The following PTPRT variants were observed in gnomAD, a reference collection of about 807,000 sequenced individuals.
The protein encoded by PTPRT is receptor-type tyrosine-protein phosphatase T.
PTPRT carries 56 observed loss-of-function variants against 176.8 expected under a neutral mutation model. The observed-to-expected ratio is 0.32, with a 90% CI of 0.26 to 0.40. PTPRT has a LOEUF of 0.40. Ranked by LOEUF, PTPRT falls within the 10% of genes least tolerant of loss-of-function variation. The pLI is 1.00. For missense variants in PTPRT, 1,540 were observed against 1,908.2 expected (o/e 0.81, Z 3.60); for synonymous variants, 783 against 739.0 (o/e 1.06, Z -0.96).
chr20:42,192,609 A>G (rs1014738506), intron 16 of PTPRT, among the ~76,000 whole-genome samples: 1 of 152,136 alleles, frequency 6.6e-6, no homozygotes, highest in Non-Finnish European at 1.5e-5. Context: ...GCTGCCTGGT[A>G]TATTTTGGTC....
At chr20:42,724,980 G>T (rs781067278) in intron 6 of PTPRT, among the ~76,000 whole-genome samples, 12 of 151,512 alleles carry the variant, frequency 7.9e-5, no homozygotes, top group Non-Finnish European at 1.6e-4. Context: ...TACATTCATA[G>T]ATTCTTGACA....
chr20:42,834,044 G>C (rs953158217), intron 2 of PTPRT, among the ~76,000 whole-genome samples: 1 of 151,822 alleles, frequency 6.6e-6, no homozygotes, highest in African/African-American at 2.4e-5. Flanking sequence ...ATTTTGCTCT[G>C]TAAAAGATAC....
chr20:42,771,631 A>G, intron 4 of PTPRT, 81 bp from the exon 5 acceptor site: 1 of 1,143,946 alleles, frequency 8.7e-7, no homozygotes, highest in Non-Finnish European at 1.3e-6. Flanking sequence ...GCAGCTCAGG[A>G]TGGGCACTGG....
At chr20:42,979,148 A>G (rs755303758) in intron 1 of PTPRT, among the ~76,000 whole-genome samples, 16 of 152,184 alleles carry the variant, frequency 1.1e-4, no homozygotes, top group Non-Finnish European at 1.8e-4. Context: ...TTCAGCAACT[A>G]AAAGGAAAGC....
chr20:42,044,907 C>T, the PTPRT span, among the ~76,000 whole-genome samples: 1 of 152,176 alleles, frequency 6.6e-6, no homozygotes, highest in Non-Finnish European at 1.5e-5. Context: ...AATCCATTTC[C>T]TGGCCTTTTT....
chr20:42,218,316 A>G (rs1174548615), intron 15 of PTPRT, among the ~76,000 whole-genome samples: 5 of 152,232 alleles, frequency 3.3e-5, no homozygotes, highest in African/African-American at 9.6e-5. Context: ...AAGTATATCT[A>G]TGTGCGGATG....
intron 1 of PTPRT, among the ~76,000 whole-genome samples, chr20:43,022,731 G>A (rs1250253844): frequency 1.3e-5 from 2 of 152,120 alleles, no homozygotes; most frequent in Non-Finnish European, 2.9e-5. Context: ...AGAATATGTG[G>A]CCAAATGAGG....
At chr20:42,983,452 G>A (rs1178299886) in intron 1 of PTPRT, among the ~76,000 whole-genome samples, 1 of 152,212 alleles carries the variant, frequency 6.6e-6, no homozygotes, top group African/African-American at 2.4e-5. Context: ...AGACACCAAG[G>A]CAGAGCCACA....
chr20:42,598,622 A>G (rs929449664), intron 7 of PTPRT, among the ~76,000 whole-genome samples: 3 of 152,064 alleles, frequency 2.0e-5, no homozygotes, highest in African/African-American at 7.2e-5. Flanking sequence ...CAACATGTAC[A>G]TTATTTTCAT....
intron 1 of PTPRT, among the ~76,000 whole-genome samples, chr20:43,169,083 C>T (rs187226006): frequency 1.3e-5 from 2 of 152,236 alleles, no homozygotes; most frequent in East Asian, 3.9e-4. Flanking sequence ...CAGGCCTTGC[C>T]CCAACCCTCA....
chr20:42,683,271 T>TTTTTG (rs11267321), intron 6 of PTPRT, among the ~76,000 whole-genome samples: 2,208 of 149,386 alleles, frequency 0.015, 31 homozygotes, highest in South Asian at 0.021. Flanking sequence ...TTACTTGTTT[T>TTTTTG]TTTTGTTTTG....
chr20:42,053,649 C>G, the PTPRT span, among the ~76,000 whole-genome samples: 1 of 152,232 alleles, frequency 6.6e-6, no homozygotes, highest in Non-Finnish European at 1.5e-5. Context: ...AGATGGACGT[C>G]TTGCAAACAA....
chr20:42,595,572 C>T (rs749909777), intron 7 of PTPRT, among the ~76,000 whole-genome samples: 10 of 152,160 alleles, frequency 6.6e-5, no homozygotes, highest in Non-Finnish European at 1.2e-4. Context: ...ACTTGCAGGA[C>T]CTCAGCTTTG....
chr20:42,532,430 T>C (rs1302983068), intron 7 of PTPRT, among the ~76,000 whole-genome samples: 1 of 152,138 alleles, frequency 6.6e-6, no homozygotes, highest in Non-Finnish European at 1.5e-5. Context: ...AGACAGGGTC[T>C]CAAATCCATT....
At chr20:43,182,358 C>T (rs1336075962) in intron 1 of PTPRT, among the ~76,000 whole-genome samples, 9 of 151,880 alleles carry the variant, frequency 5.9e-5, no homozygotes, top group East Asian at 1.9e-4. Flanking sequence ...AGCTCCACGA[C>T]GCTAAGAAAG....
At chr20:42,358,209 A>ACT (rs946918371) in intron 9 of PTPRT, among the ~76,000 whole-genome samples, 1 of 151,340 alleles carries the variant, frequency 6.6e-6, no homozygotes, top group South Asian at 2.1e-4. Flanking sequence ...GGGGTATAAA[A>ACT]CTCTCTCTTT....
rs191548493 is a variant in PTPRT at position 42,891,835 on chromosome 20, T to C, written c.89-5903A>G. On this transcript the variant is annotated intron_variant, in intron 1 of 30. Coordinates refer to ENST00000373187, the MANE Select transcript of PTPRT (RefSeq NM_007050.6). Reference sequence around the variant, plus strand: ...ATCTGTATATATATTAACGTAGATGTAGGTGACTCAAACACCACCACTCTC... The same window carrying C: ...ATCTGTATATATATTAACGTAGATGCAGGTGACTCAAACACCACCACTCTC... Among the ~76,000 whole-genome samples, 927 of 152,322 alleles carry C rather than the reference T, an allele frequency of 6.1e-3. 10 individuals are homozygous for C. The highest frequency in any genetic ancestry group is 0.018 in the Admixed American group (272 of 15,290).
intron 13 of PTPRT, among the ~76,000 whole-genome samples, chr20:42,275,950 G>A (rs141827139): frequency 6.6e-6 from 1 of 152,258 alleles, no homozygotes; most frequent in Non-Finnish European, 1.5e-5. Flanking sequence ...CACAGTCTGA[G>A]CTTTCACCTC....
intron 1 of PTPRT, among the ~76,000 whole-genome samples, chr20:43,047,019 C>T (rs1267125284): frequency 6.6e-6 from 1 of 152,146 alleles, no homozygotes; most frequent in Non-Finnish European, 1.5e-5. Context: ...TGCTTATTTT[C>T]ATCAAGTTAA....
Sources: gnomAD v4.1 joint callset for allele counts (sites outside exome capture counted in the v4.1 genomes callset) on GRCh38, gnomAD v4.1.1 for gene constraint, MANE v1.5 for transcripts, NCBI Gene and HGNC (gene_info 2026-07-23, HGNC 2026-07-21) for gene names.